GALNT1: variants seen among roughly 807,000 people sequenced by gnomAD.
The protein encoded by GALNT1 is polypeptide N-acetylgalactosaminyltransferase 1, also known as GalNAc transferase 1.
In GALNT1, 17 loss-of-function variants were observed where a neutral mutation model predicts 65.7. That is an observed-to-expected ratio of 0.26 (90% CI 0.18 to 0.39). The LOEUF is 0.39. Ranked by LOEUF, GALNT1 falls within the 10% of genes least tolerant of loss-of-function variation. The pLI is 1.00. For missense variants in GALNT1, 460 were observed against 672.8 expected (o/e 0.68, Z 3.50); for synonymous variants, 210 against 219.7 (o/e 0.96, Z 0.39).
At chr18:35,605,825 C>T in intron 1 of GALNT1, among the ~76,000 whole-genome samples, 1 of 152,156 alleles carries the variant, frequency 6.6e-6, no homozygotes, top group Non-Finnish European at 1.5e-5. Flanking sequence ...AACTCTAGAC[C>T]TAAGCTAGGC....
intron 1 of GALNT1, among the ~76,000 whole-genome samples, chr18:35,631,541 T>C (rs2047010178): frequency 6.6e-6 from 1 of 152,178 alleles, no homozygotes; most frequent in Non-Finnish European, 1.5e-5. Flanking sequence ...AAATTAGGTA[T>C]TCATGGGACA....
intron 1 of GALNT1, among the ~76,000 whole-genome samples, chr18:35,632,072 A>G (rs1283253862): frequency 2.6e-5 from 4 of 152,366 alleles, no homozygotes; most frequent in Non-Finnish European, 4.4e-5. Context: ...ATGGAAGAAC[A>G]TTCCATGCTC....
chr18:35,681,927 G>C (rs1428410546), intron 4 of GALNT1, among the ~76,000 whole-genome samples: 2 of 151,990 alleles, frequency 1.3e-5, no homozygotes, highest in South Asian at 2.1e-4. Context: ...TCTAAATTAT[G>C]CATAATAACT....
intron 1 of GALNT1, among the ~76,000 whole-genome samples, chr18:35,619,983 C>T (rs796370000): frequency 2.5e-4 from 38 of 152,154 alleles, no homozygotes; most frequent in African/African-American, 8.7e-4. Flanking sequence ...CTATTTTGAC[C>T]GATTTCCTTC....
At chr18:35,599,988 G>A (rs2046561180) in intron 1 of GALNT1, among the ~76,000 whole-genome samples, 1 of 152,108 alleles carries the variant, frequency 6.6e-6, no homozygotes, top group South Asian at 2.1e-4. Flanking sequence ...CTTTTTGCCT[G>A]GGATTGCTAT....
At position 35,709,949 on chromosome 18, in the gene GALNT1, TC is replaced by T; in HGVS notation, c.*181del. On this transcript the variant is annotated 3_prime_UTR_variant, in exon 12 of 12. Transcript: ENST00000269195. ...CTTTTCACTAGCTGTGAACCAGCCTTCCTGTCCATGGACGTGAAACTGCATA... is the reference window on the plus strand; with the variant it reads ...CTTTTCACTAGCTGTGAACCAGCCTTCTGTCCATGGACGTGAAACTGCATA... 1 of 652,592 alleles carries T rather than the reference TC, an allele frequency of 1.5e-6. No homozygotes were observed. Among genetic ancestry groups the T allele is most frequent in the Non-Finnish European group, 2.6e-6 (1 of 388,576 alleles). The allele number at this position is 652,592 out of a possible 1,614,324, so 40.4% of individuals were successfully genotyped here. A position where few individuals can be genotyped will look rare whatever the true frequency, so the allele number is the denominator to read the frequency against.
At chr18:35,611,314 A>G (rs896874456) in intron 1 of GALNT1, among the ~76,000 whole-genome samples, 6 of 152,052 alleles carry the variant, frequency 3.9e-5, no homozygotes, top group Admixed American at 3.9e-4. Context: ...AGGGATTGAT[A>G]CCTCTAAGGC....
At chr18:35,618,676 A>G (rs1389664996) in intron 1 of GALNT1, among the ~76,000 whole-genome samples, 3 of 152,272 alleles carry the variant, frequency 2.0e-5, no homozygotes, top group Middle Eastern at 3.4e-3. Context: ...CCAACAATTT[A>G]CTTAACTTTC....
At chr18:35,605,271 G>A (rs1399955530) in intron 1 of GALNT1, among the ~76,000 whole-genome samples, 2 of 152,058 alleles carry the variant, frequency 1.3e-5, no homozygotes, top group Non-Finnish European at 2.9e-5. Context: ...CACCTTGGGA[G>A]GCCGAGACAG....
rs138919325 is a variant in GALNT1, at chr18:35,661,370, G to A, written c.140-2258G>A. Among the ~76,000 whole-genome samples the A allele has an allele frequency of 9.9e-3, 1,505 of 152,084 alleles. 31 individuals carry two copies. The highest frequency in any genetic ancestry group is 0.034 in the African/African-American group (1,424 of 41,486). Reference sequence around the variant, plus strand: ...AAAAATTAGCCAGATATGGTGGCGCGTGTCTGTAATACCAGCTACTGGAGA... The same window carrying A: ...AAAAATTAGCCAGATATGGTGGCGCATGTCTGTAATACCAGCTACTGGAGA... On this transcript the variant is annotated intron_variant, in intron 2 of 11. Coordinates refer to ENST00000269195, the MANE Select transcript of GALNT1 (RefSeq NM_020474.4).
chr18:35,704,201 T>G (rs1410924536), intron 11 of GALNT1, among the ~76,000 whole-genome samples: 1 of 152,250 alleles, frequency 6.6e-6, no homozygotes, highest in African/African-American at 2.4e-5. Context: ...TTTCAACTTG[T>G]GCTTTTGCCA....
chr18:35,621,536 CT>C (rs1242968469), intron 1 of GALNT1, among the ~76,000 whole-genome samples: 4,556 of 134,630 alleles, frequency 0.034, 163 homozygotes, highest in African/African-American at 0.062. Flanking sequence ...CATTCTGATA[CT>C]AATCTTTTGT....
At chr18:35,661,804 A>G (rs2047481649) in intron 2 of GALNT1, among the ~76,000 whole-genome samples, 2 of 152,152 alleles carry the variant, frequency 1.3e-5, no homozygotes, top group African/African-American at 4.8e-5. Context: ...CACAGATGGT[A>G]TATGTATATG....
intron 1 of GALNT1, chr18:35,597,247 G>A (rs940937109): frequency 1.3e-5 from 2 of 152,136 alleles, no homozygotes; most frequent in Admixed American, 6.5e-5. Context: ...GTGAGAGTAG[G>A]GATTTATAGT....
At chr18:35,607,445 C>T (rs964523338) in intron 1 of GALNT1, among the ~76,000 whole-genome samples, 14 of 152,052 alleles carry the variant, frequency 9.2e-5, no homozygotes, top group Non-Finnish European at 2.9e-5. Context: ...CTTGGGATTC[C>T]TGGGTTCCTT....
intron 3 of GALNT1, among the ~76,000 whole-genome samples, chr18:35,669,101 C>T (rs548237604): frequency 1.3e-5 from 2 of 152,202 alleles, no homozygotes; most frequent in African/African-American, 4.8e-5. Flanking sequence ...ATTAGCCAGG[C>T]GTGGTGGCAC....
At chr18:35,651,402 G>A (rs1043806251) in intron 1 of GALNT1, among the ~76,000 whole-genome samples, 5 of 152,070 alleles carry the variant, frequency 3.3e-5, no homozygotes, top group African/African-American at 4.8e-5. Flanking sequence ...GTCTGATTTT[G>A]TAATATATTA....
chr18:35,679,566 T>C (rs1004866356), intron 4 of GALNT1, among the ~76,000 whole-genome samples: 2 of 152,238 alleles, frequency 1.3e-5, no homozygotes, highest in Non-Finnish European at 2.9e-5. Context: ...ACCTCACTGC[T>C]CCACCTGAGG....
At chr18:35,704,418 C>T (rs1390474400) in intron 11 of GALNT1, among the ~76,000 whole-genome samples, 1 of 151,784 alleles carries the variant, frequency 6.6e-6, no homozygotes, top group Non-Finnish European at 1.5e-5. Flanking sequence ...AAGCTATCCT[C>T]CCACCTCAGC....
Sources: allele counts gnomAD v4.1 joint callset (sites outside exome capture counted in the v4.1 genomes callset), GRCh38; gene constraint gnomAD v4.1.1; transcripts MANE v1.5; gene names NCBI Gene and HGNC (gene_info 2026-07-23, HGNC 2026-07-21).